Variants in RTN4 observed in about 807,000 individuals in gnomAD.
The protein encoded by RTN4 is reticulon-4.
A neutral mutation model predicts 90.4 loss-of-function variants in RTN4; 32 were observed. The ratio of observed to expected loss-of-function variants is 0.35; its 90% CI spans 0.27 to 0.48. The LOEUF is 0.48. RTN4 is among the 20% of genes least tolerant of loss of function. The pLI, the probability that RTN4 is intolerant of heterozygous loss-of-function variation, is 0.99. For synonymous variants in RTN4, 629 were observed against 552.5 expected (o/e 1.14, Z -1.94); for missense variants, 1,706 against 1,430.2 (o/e 1.19, Z -3.11).
At chr2:55,124,845 G>C in the RTN4 span, among the ~76,000 whole-genome samples, 3 of 152,218 alleles carry the variant, frequency 2.0e-5, no homozygotes, top group Non-Finnish European at 4.4e-5. Flanking sequence ...AAAACAGCAT[G>C]GTACTGGTAC....
the RTN4 span, among the ~76,000 whole-genome samples, chr2:55,123,522 C>T: frequency 1.3e-5 from 2 of 152,008 alleles, no homozygotes; most frequent in African/African-American, 2.4e-5. Flanking sequence ...ATGACTGTCA[C>T]TTTCAATTAT....
chr2:55,028,190 G>A lies in RTN4; in HGVS notation c.587C>T (p.Ser196Phe), dbSNP rs1049258847. 3.7e-6 allele frequency: 6 copies of A among 1,613,022 alleles called. No homozygotes were observed. The highest frequency in any genetic ancestry group is 5.1e-6 in the Non-Finnish European group (6 of 1,179,440). The change falls in exon 2 of 9, where the codon TCT (serine) becomes TTT (phenylalanine). Residue 196 changes from serine (S) to phenylalanine (F), a missense_variant. By Grantham distance (155) the Ser-to-Phe change is radical. Coordinates refer to ENST00000337526, the MANE Select transcript of RTN4 (RefSeq NM_020532.5). ...TGCAGAGGAGCGTATCACAGGCTCA[G>A]ATGCAGCAGGAAGAGCAAAAAGGGT... Reference protein sequence around the residue: ...DETLFALPAASEPVIRSSAEN... With the variant: ...DETLFALPAAFEPVIRSSAEN...
intron 8 of RTN4, 30 bp downstream of exon 8, chr2:54,973,532 AG>A: frequency 7.9e-6 from 12 of 1,511,456 alleles, no homozygotes; most frequent in Non-Finnish European, 1.1e-5. Context: ...ACCTTATCCT[AG>A]TAAAAACACT....
At chr2:55,018,057 G>C (rs118073357) in intron 3 of RTN4, among the ~76,000 whole-genome samples, 5 of 152,190 alleles carry the variant, frequency 3.3e-5, no homozygotes, top group Admixed American at 3.3e-4. Flanking sequence ...AAACACGGCA[G>C]AAGCTCAAAA....
the RTN4 span, among the ~76,000 whole-genome samples, chr2:55,123,944 G>A: frequency 1.3e-4 from 20 of 152,094 alleles, no homozygotes; most frequent in African/African-American, 4.8e-4. Flanking sequence ...TCTCTGTAAG[G>A]CAGCTGGTCT....
At chr2:55,085,864 T>G (rs977690147) in intron 1 of RTN4, among the ~76,000 whole-genome samples, 3 of 152,196 alleles carry the variant, frequency 2.0e-5, no homozygotes, top group Non-Finnish European at 2.9e-5. Context: ...ACAAATCAAA[T>G]CTGTAGCCCC....
intron 3 of RTN4, among the ~76,000 whole-genome samples, chr2:55,013,436 TA>T (rs1680788782): frequency 1.3e-5 from 2 of 152,134 alleles, no homozygotes; most frequent in African/African-American, 2.4e-5. Context: ...TAAAGGGTAA[TA>T]TGCTGTAAAA....
chr2:55,088,214 T>C (rs1401679102), intron 1 of RTN4, among the ~76,000 whole-genome samples: 1 of 152,240 alleles, frequency 6.6e-6, no homozygotes, highest in Non-Finnish European at 1.5e-5. Flanking sequence ...TTTGTATCCT[T>C]AGGGCCCAGC....
intron 3 of RTN4, among the ~76,000 whole-genome samples, chr2:54,993,074 GGA>G (rs752018101): frequency 0.14 from 11,413 of 78,784 alleles, 1,077 homozygotes; most frequent in African/African-American, 0.32. Context: ...ACTCCATCTC[GGA>G]AAAAAAAAAA....
intron 1 of RTN4, chr2:55,049,058 T>C (rs957004226): frequency 2.1e-6 from 2 of 973,104 alleles, no homozygotes; most frequent in Non-Finnish European, 2.4e-6. Context: ...CCCGGGGAGC[T>C]GGGCGGTGGC....
intron 2 of RTN4, among the ~76,000 whole-genome samples, chr2:55,079,232 T>C (rs926949819): frequency 1.3e-5 from 2 of 152,224 alleles, no homozygotes; most frequent in Non-Finnish European, 2.9e-5. Flanking sequence ...ACCAAACCAA[T>C]CTCAGTCTTT....
intron 1 of RTN4, among the ~76,000 whole-genome samples, chr2:55,094,872 CAAGA>C (rs1669003167): frequency 6.6e-6 from 1 of 152,150 alleles, no homozygotes. Flanking sequence ...AAAGTGAAAG[CAAGA>C]GATGCACAGC....
chr2:55,067,580 T>A (rs1350625594), intron 2 of RTN4, among the ~76,000 whole-genome samples: 2 of 152,088 alleles, frequency 1.3e-5, no homozygotes, highest in African/African-American at 2.4e-5. Context: ...ACCGAGCTAA[T>A]TTTTTTGTAT....
At chr2:55,073,853 T>C (rs1668555978) in intron 2 of RTN4, among the ~76,000 whole-genome samples, 1 of 152,236 alleles carries the variant, frequency 6.6e-6, no homozygotes, top group Non-Finnish European at 1.5e-5. Context: ...AGACCACTCG[T>C]TGGTTGGTGG....
intron 3 of RTN4, among the ~76,000 whole-genome samples, chr2:54,992,693 C>G (rs185477482): frequency 3.3e-5 from 5 of 152,160 alleles, no homozygotes; most frequent in Admixed American, 3.3e-4. Context: ...TGATACAGAT[C>G]TACATTATCA....
chr2:54,978,213 T>A (rs1573270674), intron 5 of RTN4, among the ~76,000 whole-genome samples: 1 of 152,174 alleles, frequency 6.6e-6, no homozygotes, highest in Non-Finnish European at 1.5e-5. Flanking sequence ...GCAGATCACC[T>A]GAGGTCAGGA....
chr2:55,030,040 T>C (rs1464983428), intron 1 of RTN4, among the ~76,000 whole-genome samples: 1 of 152,160 alleles, frequency 6.6e-6, no homozygotes, highest in Non-Finnish European at 1.5e-5. Context: ...AGTTAACCAA[T>C]TCTTAACAAA....
chr2:54,994,799 G>A (rs1454588038), intron 3 of RTN4, among the ~76,000 whole-genome samples: 1 of 152,170 alleles, frequency 6.6e-6, no homozygotes, highest in African/African-American at 2.4e-5. Context: ...ATCTTATACA[G>A]TAAATCCTCA....
intron 1 of RTN4, among the ~76,000 whole-genome samples, chr2:55,082,445 A>G (rs1388541669): frequency 6.6e-6 from 1 of 152,236 alleles, no homozygotes; most frequent in East Asian, 1.9e-4. Context: ...ATGCTCCTGA[A>G]ACAGGCCATC....
Sources: allele counts gnomAD v4.1 joint callset (sites outside exome capture counted in the v4.1 genomes callset), GRCh38; gene constraint gnomAD v4.1.1; transcripts MANE v1.5; gene names NCBI Gene and HGNC (gene_info 2026-07-23, HGNC 2026-07-21).